Variants in RBM27 observed in about 807,000 individuals in gnomAD.
The protein encoded by RBM27 is RNA-binding protein 27.
Under a neutral mutation model 135.3 loss-of-function variants are expected in RBM27, and 22 were observed. The observed-to-expected ratio is 0.16, with a 90% CI of 0.12 to 0.23. RBM27 has a LOEUF of 0.23. Among genes scored for constraint, RBM27 ranks in the 10% least tolerant of loss-of-function variants. RBM27 has a pLI of 1.00. For synonymous variants in RBM27, 481 were observed against 442.4 expected, an observed-to-expected ratio of 1.09 and a Z score of -1.10; for missense variants, 1,009 against 1,281.0, an observed-to-expected ratio of 0.79 and a Z score of 3.24.
chr5:146,216,335 T>G (rs1270126705), intron 1 of RBM27, among the ~76,000 whole-genome samples: 1 of 152,218 alleles, frequency 6.6e-6, no homozygotes, highest in Non-Finnish European at 1.5e-5. Flanking sequence ...TAATATTTTT[T>G]GAAGATAGAA....
intron 1 of RBM27, among the ~76,000 whole-genome samples, chr5:146,209,192 A>T (rs1390678810): frequency 2.0e-5 from 3 of 152,190 alleles, no homozygotes; most frequent in African/African-American, 7.2e-5. Context: ...AATGTAAACA[A>T]CATTTTATGG....
At chr5:146,239,677 G>A (rs950234953) in intron 8 of RBM27, among the ~76,000 whole-genome samples, 23 of 150,148 alleles carry the variant, frequency 1.5e-4, no homozygotes, top group Non-Finnish European at 3.0e-4. Flanking sequence ...ATGGGGTTTT[G>A]TTATGTTGGC....
chr5:146,212,405 G>A (rs1756004492), intron 1 of RBM27, among the ~76,000 whole-genome samples: 1 of 152,088 alleles, frequency 6.6e-6, no homozygotes, highest in Admixed American at 6.6e-5. Flanking sequence ...CTGGAGTGCA[G>A]TGGCATGGTC....
chr5:146,286,160 C>T lies in RBM27; in HGVS notation c.*130C>T, dbSNP rs773461709. The T allele has an allele frequency of 1.2e-5, 8 of 665,126 alleles. No homozygotes were observed. Among genetic ancestry groups the T allele is most frequent in the Middle Eastern group, 3.9e-4 (1 of 2,552 alleles). The allele number at this position is 665,126 out of a possible 1,614,324, so 41.2% of individuals were successfully genotyped here. A position where few individuals can be genotyped will look rare whatever the true frequency, so the allele number is the denominator to read the frequency against. ...CTTTTCAACACAGTAGGTTCAAGAACAGCAAGTTTGCTATTTAAACACATC... is the reference window on the plus strand; with the variant it reads ...CTTTTCAACACAGTAGGTTCAAGAATAGCAAGTTTGCTATTTAAACACATC... On this transcript the variant is annotated 3_prime_UTR_variant, in exon 21 of 21. Transcript: ENST00000265271.
In RBM27 at chr5:146,288,433, T is replaced by G. The variant is rs1759664950; in HGVS notation, c.*2403T>G. 6.6e-6 allele frequency: 1 copy of G among 152,098 alleles called. No individual in the cohort carries two copies. The highest frequency in any genetic ancestry group is 6.6e-5 in the Admixed American group (1 of 15,254). 9.4% of individuals were successfully genotyped at this position (152,098 alleles called of 1,614,324 possible). A position where few individuals can be genotyped will look rare whatever the true frequency, so the allele number is the denominator to read the frequency against. ...CAAAGAATTTTAAAACATGTTTGAC[T>G]CAAAGATGAATTTGAAGTGAGTTAA... On this transcript the variant is annotated 3_prime_UTR_variant, in exon 21 of 21. Transcript: ENST00000265271.
chr5:146,279,927 G>A (rs542325886), intron 19 of RBM27, among the ~76,000 whole-genome samples: 1 of 151,672 alleles, frequency 6.6e-6, no homozygotes, highest in South Asian at 2.1e-4. Context: ...TACTATGTAT[G>A]TAAGAAAACA....
intron 9 of RBM27, among the ~76,000 whole-genome samples, chr5:146,253,054 A>G (rs773160075): frequency 1.3e-5 from 2 of 151,956 alleles, no homozygotes; most frequent in African/African-American, 4.8e-5. Context: ...TTGGAGTGCA[A>G]TGGGGTGATC....
chr5:146,250,036 A>G (rs1757815651), intron 8 of RBM27, among the ~76,000 whole-genome samples: 1 of 152,176 alleles, frequency 6.6e-6, no homozygotes, highest in Admixed American at 6.5e-5. Context: ...GAAGTTTAGC[A>G]TCTCCATATT....
At position 146,230,751 on chromosome 5, in the gene RBM27, G is replaced by T; in HGVS notation, c.684G>T (p.Gln228His). The change falls in exon 6 of 21, where the codon CAG (glutamine) becomes CAT (histidine). Residue 228 changes from glutamine (Q) to histidine (H), a missense_variant. Gln to His is a conservative substitution (Grantham distance 24). Around this residue, in one of 6 missense-constraint regions of RBM27, gnomAD observed 268 missense variants for 326.6 expected, o/e 0.82. Coordinates refer to ENST00000265271, the MANE Select transcript of RBM27 (RefSeq NM_018989.2). Reference protein sequence around the residue: ...VSAPPPNSSEQYSSGAQSIPS... With the variant: ...VSAPPPNSSEHYSSGAQSIPS... Reference sequence around the variant, plus strand: ...CACCACCTCCAAACTCTTCTGAGCAGTATTCCTCTGGGGCACAGTCTATTC... The same window carrying T: ...CACCACCTCCAAACTCTTCTGAGCATTATTCCTCTGGGGCACAGTCTATTC... 3 of 1,614,062 alleles carry T rather than the reference G, an allele frequency of 1.9e-6. No individual in the cohort carries two copies. Among genetic ancestry groups the T allele is most frequent in the Non-Finnish European group, 2.5e-6 (3 of 1,179,940 alleles).
In RBM27 at chr5:146,230,912, A is replaced by T; in HGVS notation, c.845A>T (p.Tyr282Phe). Reference protein sequence around the residue: ...NLPPKRRCRDYDERGFCVLGD... With the variant: ...NLPPKRRCRDFDERGFCVLGD... ...CCACCAAAGAGGCGATGCAGAGATT[A>T]TGATGGTAAAAATCACCACCTTTTC... is the stretch of plus-strand genomic sequence containing the variant. Residue 282 changes from tyrosine (Y) to phenylalanine (F), a missense_variant, in exon 6 of 21, where the codon TAT (tyrosine) becomes TTT (phenylalanine). Coordinates refer to ENST00000265271, the MANE Select transcript of RBM27 (RefSeq NM_018989.2). 2 of 1,613,750 alleles carry T rather than the reference A, an allele frequency of 1.2e-6. No homozygotes were observed. Among genetic ancestry groups the T allele is most frequent in the South Asian group, 2.2e-5 (2 of 91,062 alleles).
At chr5:146,203,978 T>C (rs1450230729) in intron 1 of RBM27, among the ~76,000 whole-genome samples, 154 bp downstream of exon 1, 1 of 91,000 alleles carries the variant, frequency 1.1e-5, no homozygotes, top group Admixed American at 1.1e-4. Flanking sequence ...ACCATTGTGG[T>C]GGGGGTGAGG....
chr5:146,223,082 CT>C (rs949951157), intron 2 of RBM27, among the ~76,000 whole-genome samples: 18 of 152,020 alleles, frequency 1.2e-4, no homozygotes, highest in African/African-American at 4.1e-4. Context: ...AGTATTCTTT[CT>C]TTTTATAGCC....
intron 8 of RBM27, among the ~76,000 whole-genome samples, chr5:146,237,678 A>G (rs1444248220): frequency 2.6e-5 from 4 of 152,134 alleles, no homozygotes; most frequent in Admixed American, 6.5e-5. Context: ...TGGAGTAGCA[A>G]CATTTAGTCT....
chr5:146,274,398 A>G (rs192126911), intron 19 of RBM27, among the ~76,000 whole-genome samples: 1 of 152,280 alleles, frequency 6.6e-6, no homozygotes, highest in East Asian at 1.9e-4. Context: ...CTGAGACTAC[A>G]GGCACGCACG....
At chr5:146,281,868 G>A (rs192305049) in intron 19 of RBM27, among the ~76,000 whole-genome samples, 107 of 152,174 alleles carry the variant, frequency 7.0e-4, no homozygotes, top group African/African-American at 2.2e-3. Flanking sequence ...ATCACACAGT[G>A]TATATTCTTT....
At chr5:146,249,136 C>T (rs1294221289) in intron 8 of RBM27, among the ~76,000 whole-genome samples, 1 of 151,954 alleles carries the variant, frequency 6.6e-6, no homozygotes, top group Non-Finnish European at 1.5e-5. Context: ...TGTGCGCCAC[C>T]ATGCATGGCT....
intron 2 of RBM27, among the ~76,000 whole-genome samples, chr5:146,220,429 C>T (rs936193717): frequency 4.1e-5 from 6 of 147,582 alleles, no homozygotes; most frequent in Non-Finnish European, 5.9e-5. Context: ...GAGCCAAGAT[C>T]GCGCCACTGC....
chr5:146,269,187 T>A lies in RBM27; in HGVS notation c.2452-20T>A, dbSNP rs1255810383. 2 of 1,553,334 alleles carry A rather than the reference T, an allele frequency of 1.3e-6. No individual in the cohort carries two copies. The highest frequency in any genetic ancestry group is 1.8e-6 in the Non-Finnish European group (2 of 1,133,700). ...TGGCAAATTACATTATCTGTATTAA[T>A]TTCTTTTTTACTTATACAGGAAGCA... On this transcript the variant is annotated intron_variant, in intron 15 of 20. Coordinates refer to ENST00000265271, the MANE Select transcript of RBM27 (RefSeq NM_018989.2).
Position 146,219,063 on chromosome 5 carries a change from A to G in RBM27, c.138A>G (p.Lys46=), listed in dbSNP as rs1366118836. 1.9e-6 allele frequency: 3 copies of G among 1,613,480 alleles called. No homozygotes were observed. The highest frequency in any genetic ancestry group is 1.3e-5 in the African/African-American group (1 of 74,908). ...VKKDKPEKEL[K]AFCADQLDVF... is the part of the protein sequence containing the mutation. Reference sequence around the variant, plus strand: ...AGGACAAACCTGAGAAAGAATTAAAAGCCTTTTGTGCTGATCAACTTGATG... The same window carrying G: ...AGGACAAACCTGAGAAAGAATTAAAGGCCTTTTGTGCTGATCAACTTGATG... Residue 46 remains lysine, a synonymous_variant, in exon 2 of 21, where the codon AAA becomes AAG. Transcript: ENST00000265271.
Sources: allele counts gnomAD v4.1 joint callset (sites outside exome capture counted in the v4.1 genomes callset), GRCh38; gene constraint gnomAD v4.1.1; regional missense constraint gnomAD v4.1.1; transcripts MANE v1.5; gene names NCBI Gene and HGNC (gene_info 2026-07-23, HGNC 2026-07-21).